The following EMSY variants were observed in gnomAD, a reference collection of about 807,000 sequenced individuals.
The protein encoded by EMSY is BRCA2-interacting transcriptional repressor EMSY.
A neutral mutation model predicts 134.6 loss-of-function variants in EMSY; 26 were observed. That is an observed-to-expected ratio of 0.19 (90% CI 0.14 to 0.27). The LOEUF (loss-of-function observed/expected upper bound fraction) is 0.27. Among genes scored for constraint, EMSY ranks in the 10% least tolerant of loss-of-function variants. The pLI is 1.00. For missense variants in EMSY, 1,305 were observed against 1,611.4 expected, an observed-to-expected ratio of 0.81 and a Z score of 3.26; for synonymous variants, 579 against 577.8, an observed-to-expected ratio of 1.00 and a Z score of -0.03.
intron 3 of EMSY, 115 bp downstream of exon 3, chr11:76,452,072 A>T: frequency 1.6e-6 from 1 of 611,480 alleles, no homozygotes; most frequent in Non-Finnish European, 2.7e-6. Flanking sequence ...GAGGTGTTCA[A>T]ATTGTTGGTG....
chr11:76,544,345 C>A (rs1951560428), exon 19 of EMSY: 2 of 1,614,162 alleles, frequency 1.2e-6, no homozygotes. Flanking sequence ...ACACTTTAGA[C>A]CCTCAGACAG....
At chr11:76,513,250 G>C (rs745411465) in intron 9 of EMSY, 136 bp from the exon 11 acceptor site, 6 of 627,292 alleles carry the variant, frequency 9.6e-6, no homozygotes, top group Non-Finnish European at 1.5e-5. Context: ...AAAGTTTAGA[G>C]TTTCATCAGT....
intron 9 of EMSY, among the ~76,000 whole-genome samples, chr11:76,502,073 A>G (rs865797543): frequency 6.6e-6 from 1 of 150,806 alleles, no homozygotes; most frequent in Non-Finnish European, 1.5e-5. Context: ...CCCACCAACT[A>G]AGAATCCTAT....
rs57151837 is a variant in EMSY, at chr11:76,516,069, A to G, written c.1514-73A>G. The G allele has an allele frequency of 2.4e-3, 3,095 of 1,290,686 alleles. 69 individuals carry two copies. The African/African-American group carries it at 0.041, about 17-fold the overall frequency. The allele number at this position is 1,290,686 out of a possible 1,614,324, so 80.0% of individuals were successfully genotyped here. On this transcript the variant is annotated intron_variant, in intron 10 of 20. Coordinates refer to ENST00000334736, the Ensembl canonical transcript of EMSY. ...AGCAATGTAGATTATATGGAATTAC[A>G]GTTAAACTGTATTAATTATCATTCT...
chr11:76,522,352 C>CTTTTTTTTTTTTTTTTTT (rs71040003), intron 11 of EMSY, among the ~76,000 whole-genome samples: 4 of 44,222 alleles, frequency 9.0e-5, no homozygotes, highest in East Asian at 8.8e-4. Context: ...GTTTACTTTG[C>CTTTTTTTTTTTTTTTTTT]TTTTTTTTTT....
intron 9 of EMSY, among the ~76,000 whole-genome samples, chr11:76,506,465 T>A (rs1470090927): frequency 2.0e-5 from 3 of 152,046 alleles, no homozygotes; most frequent in Admixed American, 2.0e-4. Context: ...TGGAAAAAAA[T>A]CTGCAAATCA....
intron 9 of EMSY, among the ~76,000 whole-genome samples, chr11:76,511,477 C>T (rs1436179712): frequency 1.3e-5 from 2 of 151,986 alleles, no homozygotes; most frequent in African/African-American, 4.8e-5. Context: ...GCTGGTGGGT[C>T]CCTTGAGGTC....
At chr11:76,540,536 A>G (rs1951397847) in intron 17 of EMSY, among the ~76,000 whole-genome samples, 1 of 152,260 alleles carries the variant, frequency 6.6e-6, no homozygotes, top group African/African-American at 2.4e-5. Flanking sequence ...TATAATCTCA[A>G]ATCACATGTA....
At chr11:76,492,946 G>A (rs1475614922) in intron 8 of EMSY, among the ~76,000 whole-genome samples, 1 of 152,032 alleles carries the variant, frequency 6.6e-6, no homozygotes, top group Non-Finnish European at 1.5e-5. Flanking sequence ...TGAAAACCCT[G>A]GACTTAGCCA....
At chr11:76,472,502 T>G in intron 7 of EMSY, 62 bp from the exon 9 acceptor site, 62 of 1,411,492 alleles carry the variant, frequency 4.4e-5, no homozygotes, top group Non-Finnish European at 5.4e-5. Context: ...TAACTAACTG[T>G]GAGTCTAGAT....
At chr11:76,475,193 C>A (rs1047186562) in intron 8 of EMSY, among the ~76,000 whole-genome samples, 5 of 152,168 alleles carry the variant, frequency 3.3e-5, no homozygotes, top group African/African-American at 1.2e-4. Flanking sequence ...CTCGACTGAT[C>A]CGTGTATCAA....
chr11:76,479,565 A>C (rs934048255), intron 8 of EMSY, among the ~76,000 whole-genome samples: 1 of 152,220 alleles, frequency 6.6e-6, no homozygotes, highest in Non-Finnish European at 1.5e-5. Context: ...GATGTTGAAA[A>C]TGTCCAAAAG....
chr11:76,464,229 G>A (rs1275387966), intron 7 of EMSY, 149 bp downstream of exon 8: 9 of 1,022,036 alleles, frequency 8.8e-6, no homozygotes, highest in Admixed American at 2.7e-5. Context: ...TTCCAGATAA[G>A]GCTTTGGGAT....
chr11:76,529,013 G>A (rs765798788), intron 14 of EMSY, among the ~76,000 whole-genome samples: 1 of 152,100 alleles, frequency 6.6e-6, no homozygotes, highest in African/African-American at 2.4e-5. Flanking sequence ...TAATCATATG[G>A]TTGTCCTAAT....
chr11:76,484,060 C>T (rs183326725), intron 8 of EMSY, among the ~76,000 whole-genome samples: 160 of 152,314 alleles, frequency 1.1e-3, no homozygotes, highest in African/African-American at 3.6e-3. Context: ...TCTCAGACCA[C>T]GGGGCAATCA....
chr11:76,455,825 A>AT (rs879634607), intron 4 of EMSY, among the ~76,000 whole-genome samples: 1 of 152,146 alleles, frequency 6.6e-6, no homozygotes, highest in Non-Finnish European at 1.5e-5. Context: ...GGAGCTTCGG[A>AT]TTTTTTAATT....
intron 14 of EMSY, among the ~76,000 whole-genome samples, chr11:76,533,144 AG>A (rs755168412): frequency 6.6e-5 from 10 of 152,142 alleles, no homozygotes; most frequent in Non-Finnish European, 1.5e-4. Flanking sequence ...ACATCGTAAA[AG>A]GGATATAGAT....
intron 7 of EMSY, among the ~76,000 whole-genome samples, chr11:76,469,033 T>C (rs1012964058): frequency 1.3e-5 from 2 of 152,206 alleles, no homozygotes; most frequent in African/African-American, 4.8e-5. Flanking sequence ...TAATGAAGGA[T>C]AACTTCTTTT....
At chr11:76,504,329 A>G (rs761100180) in intron 9 of EMSY, among the ~76,000 whole-genome samples, 7 of 150,596 alleles carry the variant, frequency 4.6e-5, no homozygotes, top group Non-Finnish European at 5.9e-5. Context: ...TTATAACTCA[A>G]TGGTAAATAG....
Sources: gnomAD v4.1 joint callset for allele counts (sites outside exome capture counted in the v4.1 genomes callset) on GRCh38, gnomAD v4.1.1 for gene constraint, MANE v1.5 for transcripts, NCBI Gene and HGNC (gene_info 2026-07-23, HGNC 2026-07-21) for gene names.